MCTP1: variants seen among roughly 807,000 people sequenced by gnomAD.
MCTP1 encodes the protein multiple C2 and transmembrane domain-containing protein 1.
Under a neutral mutation model 120.6 loss-of-function variants are expected in MCTP1, and 69 were observed. The observed-to-expected ratio is 0.57, with a 90% confidence interval of 0.47 to 0.70. The LOEUF (loss-of-function observed/expected upper bound fraction) is 0.70, where lower values mean the gene tolerates loss of function less well. MCTP1 is among the 30% of genes least tolerant of loss of function. The probability of loss-of-function intolerance (pLI) is 0.00; values close to 1 mark genes in which losing one functional copy is unlikely to be tolerated. For synonymous variants in MCTP1, 529 were observed against 493.1 expected (o/e 1.07, Z -0.96); for missense variants, 1,203 against 1,248.8 (o/e 0.96, Z 0.55).
chr5:95,004,333 G>T (rs1342784401), intron 2 of MCTP1, among the ~76,000 whole-genome samples: 3 of 152,218 alleles, frequency 2.0e-5, no homozygotes, highest in Non-Finnish European at 4.4e-5. Context: ...TGGAAAATTT[G>T]CAGCCTAGCC....
At chr5:95,127,346 G>A (rs1758711786) in intron 1 of MCTP1, among the ~76,000 whole-genome samples, 1 of 152,122 alleles carries the variant, frequency 6.6e-6, no homozygotes, top group African/African-American at 2.4e-5. Context: ...GGATACTCAG[G>A]GTTGACCTTC....
At chr5:95,006,552 C>T (rs1380594233) in intron 2 of MCTP1, among the ~76,000 whole-genome samples, 1 of 152,022 alleles carries the variant, frequency 6.6e-6, no homozygotes, top group African/African-American at 2.4e-5. Flanking sequence ...TGATTCCCAC[C>T]AACTGTAGGA....
chr5:94,726,790 A>G (rs1184017111), intron 19 of MCTP1, among the ~76,000 whole-genome samples: 1 of 152,174 alleles, frequency 6.6e-6, no homozygotes, highest in African/African-American at 2.4e-5. Context: ...CCCATGTCTC[A>G]TGGTTGAAAT....
intron 1 of MCTP1, among the ~76,000 whole-genome samples, chr5:95,146,867 A>G (rs1009618415): frequency 1.3e-5 from 2 of 152,142 alleles, no homozygotes; most frequent in African/African-American, 2.4e-5. Flanking sequence ...TGTTGGGTGC[A>G]GTATTCTGTA....
In MCTP1 at chr5:94,846,731, C is replaced by T. The variant is rs190006480; in HGVS notation, c.2436+21602G>A. ...CTGCCCTATCCAAGACCAATTAAAC[C>T]GGAATCATTGAGGGGCAGACACTGC... On this transcript the variant is annotated intron_variant, in intron 17 of 22. Coordinates refer to ENST00000515393, the MANE Select transcript of MCTP1 (RefSeq NM_024717.7). 2.8e-3 allele frequency among the ~76,000 whole-genome samples: 427 copies of T among 152,018 alleles called. 1 individual carries two copies. The highest frequency in any genetic ancestry group is 9.8e-3 in the African/African-American group (407 of 41,466).
chr5:95,117,636 C>T (rs1444673725), intron 1 of MCTP1, among the ~76,000 whole-genome samples: 1 of 152,054 alleles, frequency 6.6e-6, no homozygotes, highest in African/African-American at 2.4e-5. Context: ...CCAGAAAAAC[C>T]ATTTGACCCA....
At chr5:94,948,654 A>G (rs951623398) in intron 3 of MCTP1, among the ~76,000 whole-genome samples, 2 of 152,140 alleles carry the variant, frequency 1.3e-5, no homozygotes, top group African/African-American at 4.8e-5. Context: ...AAATGTCCAG[A>G]AAAGTGGCTC....
intron 2 of MCTP1, among the ~76,000 whole-genome samples, chr5:94,977,777 CTCTTA>C (rs1300543057): frequency 6.6e-5 from 10 of 152,098 alleles, no homozygotes; most frequent in Admixed American, 1.3e-4. Flanking sequence ...TGAAACTGGA[CTCTTA>C]TCTTACCCCA....
chr5:95,178,589 T>C (rs557803216), intron 1 of MCTP1, among the ~76,000 whole-genome samples: 1 of 152,266 alleles, frequency 6.6e-6, no homozygotes, highest in South Asian at 2.1e-4. Context: ...ATCACTGCAG[T>C]TCGCCTCTCA....
Position 95,263,804 on chromosome 5 carries a change from A to G in MCTP1, c.720+20052T>C, listed in dbSNP as rs146006037. The stretch of plus-strand genomic sequence containing the variant: ...ATTCCCCCAGATTTACAGAAAAGAA[A>G]TGTGAGGTTTAGAGAGGTTAAGACT... On this transcript the variant is annotated intron_variant, in intron 1 of 22. Transcript: ENST00000515393. Among the ~76,000 whole-genome samples the G allele has an allele frequency of 6.4e-4, 97 of 152,258 alleles. 1 individual carries two copies. Among genetic ancestry groups the G allele is most frequent in the African/African-American group, 2.3e-3 (96 of 41,530 alleles).
In MCTP1 at chr5:94,981,048, T is replaced by A. The variant is rs139339268; in HGVS notation, c.839-27687A>T. The stretch of plus-strand genomic sequence containing the variant: ...CTAAAAACAGTTAATAAGTGTTTAA[T>A]GTGACAAGTGACTTCAAAACTTGCA... On this transcript the variant is annotated intron_variant, in intron 2 of 22. Coordinates refer to ENST00000515393, the MANE Select transcript of MCTP1 (RefSeq NM_024717.7). Among the ~76,000 whole-genome samples, 220 of 152,260 alleles carry A rather than the reference T, an allele frequency of 1.4e-3. 1 individual carries two copies. The highest frequency in any genetic ancestry group is 0.014 in the Middle Eastern group (4 of 294).
At position 95,244,264 on chromosome 5, in the gene MCTP1, C is replaced by T. The variant is rs115875927; in HGVS notation, c.720+39592G>A. On this transcript the variant is annotated intron_variant, in intron 1 of 22. Transcript: ENST00000515393. The stretch of plus-strand genomic sequence containing the variant: ...GGTCTATAGCTCCCAGCAAGATCGA[C>T]GCAGATGACAGGTGATTTCTGCATT... 3.9e-3 allele frequency among the ~76,000 whole-genome samples: 601 copies of T among 152,320 alleles called. 4 individuals are homozygous for T. The highest frequency in any genetic ancestry group is 0.014 in the African/African-American group (566 of 41,560).
chr5:95,042,246 T>C (rs1350668809), intron 1 of MCTP1, among the ~76,000 whole-genome samples: 2 of 152,206 alleles, frequency 1.3e-5, no homozygotes, highest in East Asian at 3.8e-4. Context: ...TAGGCATATT[T>C]ACCGGGCAAA....
intron 10 of MCTP1, among the ~76,000 whole-genome samples, chr5:94,901,806 C>T (rs1456480943): frequency 6.6e-6 from 1 of 152,118 alleles, no homozygotes; most frequent in African/African-American, 2.4e-5. Flanking sequence ...CTAGATGAAA[C>T]AGTCTTGTGA....
At chr5:95,240,337 A>G (rs550014841) in intron 1 of MCTP1, among the ~76,000 whole-genome samples, 73 of 152,334 alleles carry the variant, frequency 4.8e-4, no homozygotes, top group Admixed American at 2.0e-3. Context: ...CCTTGCACAC[A>G]TAAGAGATGT....
chr5:94,719,724 G>A (rs1379497191), intron 19 of MCTP1, among the ~76,000 whole-genome samples: 1 of 152,170 alleles, frequency 6.6e-6, no homozygotes, highest in Non-Finnish European at 1.5e-5. Context: ...AATGCATACA[G>A]GGCTTAATAC....
chr5:95,209,105 C>A (rs1042098796), intron 1 of MCTP1, among the ~76,000 whole-genome samples: 15 of 152,176 alleles, frequency 9.9e-5, no homozygotes, highest in African/African-American at 3.6e-4. Flanking sequence ...TCCCACTAAT[C>A]CCATATAGCA....
chr5:94,961,631 G>C (rs1824217886), intron 2 of MCTP1, among the ~76,000 whole-genome samples: 1 of 152,112 alleles, frequency 6.6e-6, no homozygotes, highest in South Asian at 2.1e-4. Flanking sequence ...GACCAATCTT[G>C]ACCTACAGAG....
intron 1 of MCTP1, among the ~76,000 whole-genome samples, chr5:95,107,063 C>T (rs981593269): frequency 1.3e-5 from 2 of 152,130 alleles, no homozygotes; most frequent in African/African-American, 4.8e-5. Flanking sequence ...AAAATAAACT[C>T]ATACTAAATT....
Sources: allele counts gnomAD v4.1 joint callset (sites outside exome capture counted in the v4.1 genomes callset), GRCh38; gene constraint gnomAD v4.1.1; transcripts MANE v1.5; gene names NCBI Gene and HGNC (gene_info 2026-07-23, HGNC 2026-07-21).